The following TTLL11 variants were observed in gnomAD, a reference collection of about 807,000 sequenced individuals.
The protein encoded by TTLL11 is tubulin polyglutamylase TTLL11.
A neutral mutation model predicts 51.7 loss-of-function variants in TTLL11; 42 were observed. The observed-to-expected ratio is 0.81, with a 90% CI of 0.64 to 1.05. The LOEUF is 1.05. Ranked by LOEUF, TTLL11 falls within the 50% of genes least tolerant of loss-of-function variation. TTLL11 has a pLI of 0.00. For synonymous variants in TTLL11, 381 were observed against 383.5 expected (o/e 0.99, Z 0.08); for missense variants, 799 against 940.4 (o/e 0.85, Z 1.97).
At chr9:121,942,635 G>A (rs1841519661) in intron 6 of TTLL11, among the ~76,000 whole-genome samples, 1 of 151,210 alleles carries the variant, frequency 6.6e-6, no homozygotes, top group South Asian at 2.1e-4. Flanking sequence ...ATGGAATCTA[G>A]TCTGATCTCT....
intron 6 of TTLL11, among the ~76,000 whole-genome samples, chr9:121,899,982 C>A (rs976869233): frequency 2.0e-5 from 3 of 152,188 alleles, no homozygotes; most frequent in African/African-American, 7.2e-5. Flanking sequence ...ATTTCCCCCA[C>A]TTTATGGAGG....
chr9:121,990,114 T>C (rs1843068350), intron 3 of TTLL11, among the ~76,000 whole-genome samples: 1 of 152,216 alleles, frequency 6.6e-6, no homozygotes, highest in African/African-American at 2.4e-5. Context: ...TGAGCTAATA[T>C]CATTTATGAG....
At chr9:122,053,912 T>C (rs1318043915) in intron 1 of TTLL11, among the ~76,000 whole-genome samples, 1 of 152,156 alleles carries the variant, frequency 6.6e-6, no homozygotes, top group African/African-American at 2.4e-5. Context: ...AGGCGCCGTC[T>C]GGCTCCAGTG....
chr9:121,834,044 T>C (rs1346967480), intron 8 of TTLL11, among the ~76,000 whole-genome samples: 1 of 152,180 alleles, frequency 6.6e-6, no homozygotes, highest in Non-Finnish European at 1.5e-5. Flanking sequence ...TTTGGAATCA[T>C]TGGTAGGAAA....
At chr9:122,019,242 G>A (rs1844095239) in intron 3 of TTLL11, among the ~76,000 whole-genome samples, 1 of 152,126 alleles carries the variant, frequency 6.6e-6, no homozygotes. Context: ...CTTTCTAATA[G>A]GTCTCATTTC....
At chr9:121,922,417 TG>T (rs1840578061) in intron 6 of TTLL11, among the ~76,000 whole-genome samples, 1 of 152,176 alleles carries the variant, frequency 6.6e-6, no homozygotes, top group African/African-American at 2.4e-5. Flanking sequence ...AAGGAATTCT[TG>T]GGGTCCGGGA....
chr9:121,978,819 C>G (rs557615693), intron 4 of TTLL11, among the ~76,000 whole-genome samples: 6 of 152,272 alleles, frequency 3.9e-5, no homozygotes, highest in South Asian at 4.2e-4. Context: ...CTGAGCCCCA[C>G]GCCTACCCTT....
At chr9:121,988,360 C>A (rs1011879442) in intron 4 of TTLL11, among the ~76,000 whole-genome samples, 1 of 151,986 alleles carries the variant, frequency 6.6e-6, no homozygotes, top group Admixed American at 6.6e-5. Flanking sequence ...AGGGACCACC[C>A]CCCCGAACCA....
chr9:121,899,378 C>CAT (rs747040027), intron 6 of TTLL11, among the ~76,000 whole-genome samples: 5,381 of 130,294 alleles, frequency 0.041, 186 homozygotes, highest in African/African-American at 0.07. Flanking sequence ...TATATATATA[C>CAT]ATATATATAT....
intron 6 of TTLL11, among the ~76,000 whole-genome samples, chr9:121,896,287 A>C (rs10985436): frequency 0.98 from 149,604 of 152,274 alleles, 73,567 homozygotes; most frequent in Middle Eastern, 1. Flanking sequence ...ACGGCGCCCA[A>C]CACGGGCTCC....
chr9:121,980,359 C>T (rs1167105545), intron 4 of TTLL11, among the ~76,000 whole-genome samples: 1 of 152,176 alleles, frequency 6.6e-6, no homozygotes, highest in Non-Finnish European at 1.5e-5. Context: ...TATCCTCGTG[C>T]CTTACCTCTT....
intron 6 of TTLL11, among the ~76,000 whole-genome samples, chr9:121,931,633 C>A (rs1712219472): frequency 6.6e-6 from 1 of 151,260 alleles, no homozygotes; most frequent in Non-Finnish European, 1.5e-5. Flanking sequence ...ATATTCAAGC[C>A]CCATTTCAGA....
Position 122,039,298 on chromosome 9 carries a change from A to G in TTLL11, c.533T>C (p.Phe178Ser), listed in dbSNP as rs776691974. Reference protein sequence around the residue: ...HGVSFHDNDIFSGQVNKFPGM... With the variant: ...HGVSFHDNDISSGQVNKFPGM... ...TGGAAACTTGTTCACTTGACCGGAG[A>G]ATATGTCATTGTCGTGAAATGAAAC... is the stretch of plus-strand genomic sequence containing the variant. Residue 178 changes from phenylalanine (F) to serine (S), a missense_variant, in exon 2 of 9, where the codon TTC becomes TCC. By Grantham distance (155) the Phe-to-Ser change is radical (BLOSUM62 -2). Around this residue, in one of 3 missense-constraint regions of TTLL11, gnomAD observed 468 missense variants for 612.8 expected, o/e 0.76. Coordinates refer to ENST00000321582, the MANE Select transcript of TTLL11 (RefSeq NM_001139442.2). 6.2e-7 allele frequency: 1 copy of G among 1,614,088 alleles called. No individual in the cohort carries two copies. Among genetic ancestry groups the G allele is most frequent in the Admixed American group, 1.7e-5 (1 of 60,030 alleles).
At chr9:121,917,490 G>GGAAAGAAAAGAAAAC (rs1345153938) in intron 6 of TTLL11, among the ~76,000 whole-genome samples, 4 of 138,382 alleles carry the variant, frequency 2.9e-5, no homozygotes, top group African/African-American at 1.1e-4. Flanking sequence ...GAAAAGAAAA[G>GGAAAGAAAAGAAAAC]GAAAGAAAAG....
intron 6 of TTLL11, among the ~76,000 whole-genome samples, chr9:121,925,096 T>C (rs1840677764): frequency 6.6e-6 from 1 of 152,204 alleles, no homozygotes; most frequent in East Asian, 1.9e-4. Flanking sequence ...GCTTCACTTC[T>C]CCTCTGAAAG....
At chr9:121,899,378 C>CATATATATATATATATATATATACATAT (rs1839670615) in intron 6 of TTLL11, among the ~76,000 whole-genome samples, 1 of 130,464 alleles carries the variant, frequency 7.7e-6, no homozygotes, top group African/African-American at 2.9e-5. Context: ...TATATATATA[C>CATATATATATATATATATATATACATAT]ATATATATAT....
intron 1 of TTLL11, among the ~76,000 whole-genome samples, chr9:122,053,294 C>T (rs147924866): frequency 1.3e-5 from 2 of 152,082 alleles, no homozygotes; most frequent in South Asian, 2.1e-4. Context: ...AAAAGCTTAA[C>T]CAAGGAGGGG....
intron 8 of TTLL11, among the ~76,000 whole-genome samples, chr9:121,842,213 G>C (rs1417682603): frequency 6.6e-6 from 1 of 151,792 alleles, no homozygotes; most frequent in Non-Finnish European, 1.5e-5. Context: ...TGTAAAACAA[G>C]GGGGTTGAAA....
chr9:122,012,668 A>G (rs1843839676), intron 3 of TTLL11, among the ~76,000 whole-genome samples: 1 of 147,930 alleles, frequency 6.8e-6, no homozygotes, highest in Non-Finnish European at 1.5e-5. Context: ...ACACATACAC[A>G]CACACACACG....
Sources: allele counts gnomAD v4.1 joint callset (sites outside exome capture counted in the v4.1 genomes callset), GRCh38; gene constraint gnomAD v4.1.1; regional missense constraint gnomAD v4.1.1; transcripts MANE v1.5; gene names NCBI Gene and HGNC (gene_info 2026-07-23, HGNC 2026-07-21).